Variants in PTPN13 observed in about 807,000 individuals in gnomAD.
The protein encoded by PTPN13 is protein tyrosine phosphatase non-receptor type 13, also known as tyrosine-protein phosphatase non-receptor type 13.
In PTPN13, 191 loss-of-function variants were observed where a neutral mutation model predicts 284.0. That is an observed-to-expected ratio of 0.67 (90% CI 0.60 to 0.76). The LOEUF is 0.76. PTPN13 is among the 30% of genes least tolerant of loss of function. PTPN13 has a pLI of 0.00. For missense variants in PTPN13, 2,797 were observed against 2,939.9 expected, an observed-to-expected ratio of 0.95 and a Z score of 1.12; for synonymous variants, 986 against 1,022.3, an observed-to-expected ratio of 0.96 and a Z score of 0.68.
chr4:86,796,251 C>T (rs370894135), intron 40 of PTPN13, among the ~76,000 whole-genome samples: 1 of 152,118 alleles, frequency 6.6e-6, no homozygotes, highest in African/African-American at 2.4e-5. Flanking sequence ...TAGAAAAGCA[C>T]ATACCAAATG....
At chr4:86,655,046 A>G (rs1489365089) in intron 2 of PTPN13, among the ~76,000 whole-genome samples, 1 of 152,120 alleles carries the variant, frequency 6.6e-6, no homozygotes, top group East Asian at 1.9e-4. Context: ...CTGTTTTATC[A>G]GAGACTAGGA....
At chr4:86,798,970 A>G (rs1432179805) in intron 41 of PTPN13, 131 bp from the exon 42 acceptor site, 1 of 583,648 alleles carries the variant, frequency 1.7e-6, no homozygotes, top group African/African-American at 1.9e-5. Context: ...AATTTTAAGA[A>G]TTGTGGCTTT....
At chr4:86,778,695 A>G (rs775763880) in intron 35 of PTPN13, among the ~76,000 whole-genome samples, 1 of 152,204 alleles carries the variant, frequency 6.6e-6, no homozygotes, top group Non-Finnish European at 1.5e-5. Context: ...TGTATAAGCC[A>G]TCAATATTCA....
At chr4:86,700,587 C>A (rs1287756438) in intron 6 of PTPN13, among the ~76,000 whole-genome samples, 1 of 151,990 alleles carries the variant, frequency 6.6e-6, no homozygotes, top group Non-Finnish European at 1.5e-5. Context: ...GAGGAAAAAA[C>A]TTTTTTAGTG....
chr4:86,668,544 T>C (rs1398412079), intron 2 of PTPN13, among the ~76,000 whole-genome samples: 1 of 152,140 alleles, frequency 6.6e-6, no homozygotes, highest in Non-Finnish European at 1.5e-5. Context: ...TTACAAGCCA[T>C]TTAAAAAATC....
intron 3 of PTPN13, among the ~76,000 whole-genome samples, chr4:86,679,644 T>C (rs576096542): frequency 6.6e-6 from 1 of 152,210 alleles, no homozygotes; most frequent in African/African-American, 2.4e-5. Flanking sequence ...CCCAGAGGTA[T>C]CTATGATTTG....
intron 1 of PTPN13, among the ~76,000 whole-genome samples, chr4:86,625,135 C>G (rs567860928): frequency 2.0e-4 from 31 of 152,252 alleles, no homozygotes; most frequent in Admixed American, 4.6e-4. Flanking sequence ...TAATCACTCT[C>G]TAATCTTTGT....
intron 9 of PTPN13, among the ~76,000 whole-genome samples, chr4:86,721,102 G>A (rs1733603746): frequency 6.7e-6 from 1 of 149,668 alleles, no homozygotes; most frequent in African/African-American, 2.4e-5. Context: ...CTCAAACTTT[G>A]CAGTTTTTAT....
At chr4:86,754,143 C>T (rs1361666722) in intron 20 of PTPN13, among the ~76,000 whole-genome samples, 1 of 152,006 alleles carries the variant, frequency 6.6e-6, no homozygotes, top group Non-Finnish European at 1.5e-5. Context: ...CACACAATGT[C>T]TTAAATACTC....
chr4:86,811,022 C>T (rs1467783148), intron 46 of PTPN13, 24 bp from the exon 47 acceptor site: 2 of 1,602,622 alleles, frequency 1.2e-6, no homozygotes, highest in South Asian at 1.1e-5. Context: ...TTGAATCTAA[C>T]ACATATGTGG....
At position 86,606,492 on chromosome 4, in the gene PTPN13, A is replaced by G. The variant is rs771716217; in HGVS notation, c.-6+11703A>G. Among the ~76,000 whole-genome samples, 4 of 152,002 alleles carry G rather than the reference A, an allele frequency of 2.6e-5. No homozygotes were observed. In the East Asian group the frequency reaches 7.7e-4, roughly 29 times the overall value. ...GTGCTTTCCACAAATTGTTTTGACTACTGTCTAAAGAAATAGAAATGAATG... is the reference window on the plus strand; with the variant it reads ...GTGCTTTCCACAAATTGTTTTGACTGCTGTCTAAAGAAATAGAAATGAATG... On this transcript the variant is annotated intron_variant, in intron 1 of 47. Coordinates refer to ENST00000411767, the MANE Select transcript of PTPN13 (RefSeq NM_080683.3).
At chr4:86,680,347 C>CTATCTA (rs1554306602) in intron 3 of PTPN13, among the ~76,000 whole-genome samples, 22 of 142,550 alleles carry the variant, frequency 1.5e-4, no homozygotes, top group Non-Finnish European at 9.2e-5. Flanking sequence ...TTCTATCTAT[C>CTATCTA]TCTATCTATC....
chr4:86,766,116 C>CT (rs1739281788), intron 26 of PTPN13, among the ~76,000 whole-genome samples: 1 of 148,304 alleles, frequency 6.7e-6, no homozygotes. Flanking sequence ...GCGTGAGCCT[C>CT]TGAGCCCAGC....
At position 86,724,476 on chromosome 4, in the gene PTPN13, G is replaced by A. The variant is rs144300809; in HGVS notation, c.1608+2042G>A. Among the ~76,000 whole-genome samples the A allele has an allele frequency of 2.8e-3, 432 of 152,182 alleles. 3 individuals carry two copies. Among genetic ancestry groups the A allele is most frequent in the African/African-American group, 9.7e-3 (401 of 41,528 alleles). ...GCATGCCACTGTGATATGTCATCTC[G>A]CTAAAAACCTGTTTCCTTTTTTAGG... is the stretch of plus-strand genomic sequence containing the variant. On this transcript the variant is annotated intron_variant, in intron 10 of 47. Coordinates refer to ENST00000411767, the MANE Select transcript of PTPN13 (RefSeq NM_080683.3).
At chr4:86,773,047 C>A in intron 32 of PTPN13, 89 bp downstream of exon 32, 1 of 952,412 alleles carries the variant, frequency 1.0e-6, no homozygotes, top group Non-Finnish European at 1.5e-6. Context: ...AAAAAGCTAT[C>A]TTTAAAATAG....
At position 86,600,975 on chromosome 4, in the gene PTPN13, T is replaced by G. The variant is rs936494157; in HGVS notation, c.-6+6186T>G. Among the ~76,000 whole-genome samples, 6 of 152,196 alleles carry G rather than the reference T, an allele frequency of 3.9e-5. No homozygotes were observed. In the South Asian group the frequency reaches 1.2e-3, roughly 31 times the overall value. ...TTCTGACTTTAGCTGAGATGTAATT[T>G]CATGAAATTATTTGAACACCATATT... On this transcript the variant is annotated intron_variant, in intron 1 of 47. Transcript: ENST00000411767.
intron 2 of PTPN13, among the ~76,000 whole-genome samples, chr4:86,645,578 A>G (rs1271522064): frequency 6.6e-6 from 1 of 152,232 alleles, no homozygotes; most frequent in Non-Finnish European, 1.5e-5. Context: ...TGATAAAAAA[A>G]GTAAAATATG....
At chr4:86,619,719 A>G (rs576594523) in intron 1 of PTPN13, among the ~76,000 whole-genome samples, 51 of 152,286 alleles carry the variant, frequency 3.3e-4, no homozygotes, top group African/African-American at 1.1e-3. Context: ...TAAATTTCAG[A>G]AAATCAAATC....
intron 2 of PTPN13, among the ~76,000 whole-genome samples, chr4:86,662,665 C>A (rs1381019090): frequency 5.9e-5 from 9 of 152,148 alleles, no homozygotes; most frequent in Admixed American, 5.9e-4. Flanking sequence ...TTTAAGCAAA[C>A]TGTCGTTTAG....
Sources: allele counts gnomAD v4.1 joint callset (sites outside exome capture counted in the v4.1 genomes callset), GRCh38; gene constraint gnomAD v4.1.1; transcripts MANE v1.5; gene names NCBI Gene and HGNC (gene_info 2026-07-23, HGNC 2026-07-21).